Variants in LDLRAP1 observed in about 807,000 individuals in gnomAD.
The protein encoded by LDLRAP1 is low density lipoprotein receptor adapter protein 1.
A neutral mutation model predicts 37.8 loss-of-function variants in LDLRAP1; 30 were observed. The observed-to-expected ratio is 0.79, with a 90% CI of 0.59 to 1.08. LDLRAP1 has a LOEUF of 1.08. Ranked by LOEUF, LDLRAP1 falls within the 50% of genes least tolerant of loss-of-function variation. The pLI is 0.00. For missense variants in LDLRAP1, 375 were observed against 401.6 expected (o/e 0.93, Z 0.57); for synonymous variants, 156 against 169.8 (o/e 0.92, Z 0.63).
At chr1:25,576,599 G>A in the LDLRAP1 span, among the ~76,000 whole-genome samples, 1 of 152,200 alleles carries the variant, frequency 6.6e-6, no homozygotes, top group Non-Finnish European at 1.5e-5. Flanking sequence ...GGAAAGCAGA[G>A]CGCCTGGCTT....
the LDLRAP1 span, among the ~76,000 whole-genome samples, chr1:25,587,536 A>G: frequency 6.6e-6 from 1 of 152,156 alleles, no homozygotes; most frequent in East Asian, 1.9e-4. Flanking sequence ...CTAATTTCCG[A>G]ACAACAAACC....
At chr1:25,574,462 C>T in the LDLRAP1 span, among the ~76,000 whole-genome samples, 1 of 152,238 alleles carries the variant, frequency 6.6e-6, no homozygotes, top group East Asian at 1.9e-4. Context: ...ACCCCATGTC[C>T]TCCTGCTCTG....
chr1:25,560,431 G>T (rs1479348422), intron 4 of LDLRAP1, among the ~76,000 whole-genome samples: 2 of 152,066 alleles, frequency 1.3e-5, no homozygotes, highest in Non-Finnish European at 2.9e-5. Context: ...CCCTGGTGCT[G>T]CTGGGCACAG....
chr1:25,562,933 A>C, intron 5 of LDLRAP1, 137 bp from the exon 6 acceptor site: 1 of 918,252 alleles, frequency 1.1e-6, no homozygotes, highest in South Asian at 1.3e-5. Flanking sequence ...CTGACATCCG[A>C]AAGGTTTCTT....
chr1:25,588,308 A>C, the LDLRAP1 span, among the ~76,000 whole-genome samples: 392 of 152,296 alleles, frequency 2.6e-3, 2 homozygotes, highest in African/African-American at 8.9e-3. Flanking sequence ...AAGAGGAAGG[A>C]ATGCCTCTTT....
chr1:25,578,415 G>A, the LDLRAP1 span, among the ~76,000 whole-genome samples: 37 of 152,258 alleles, frequency 2.4e-4, no homozygotes, highest in African/African-American at 8.7e-4. Context: ...TTGGGTGCAG[G>A]AGTCCATCTG....
At chr1:25,588,419 G>T in the LDLRAP1 span, among the ~76,000 whole-genome samples, 1 of 152,340 alleles carries the variant, frequency 6.6e-6, no homozygotes, top group South Asian at 2.1e-4. Flanking sequence ...TGAGATAAGG[G>T]AAAACTGCCT....
At chr1:25,557,403 C>G in intron 4 of LDLRAP1, 136 bp downstream of exon 4, 1 of 708,610 alleles carries the variant, frequency 1.4e-6, no homozygotes, top group Non-Finnish European at 2.5e-6. Flanking sequence ...CTCTGGGAAC[C>G]CCAAGTGGGT....
chr1:25,556,913 AG>A (rs35809556), intron 3 of LDLRAP1, among the ~76,000 whole-genome samples: 4 of 151,996 alleles, frequency 2.6e-5, no homozygotes, highest in Admixed American at 6.6e-5. Flanking sequence ...TGGGAGGGAG[AG>A]GGGGAAGTGC....
rs2044147154 is a variant in LDLRAP1 at position 25,554,185 on chromosome 1, A to G, written c.231+121A>G. Reference sequence around the variant, plus strand: ...GTGTCTGAGCCTGGCCCTGCCCTTCATTCTCCTTCCATCCAGCTTTTGGGC... The same window carrying G: ...GTGTCTGAGCCTGGCCCTGCCCTTCGTTCTCCTTCCATCCAGCTTTTGGGC... On this transcript the variant is annotated intron_variant, in intron 2 of 8. Transcript: ENST00000374338. This position sits in a 1 kb window ranked among gnomAD's most constrained non-coding sequence, Gnocchi z 5.4. The G allele has an allele frequency of 1.6e-6, 2 of 1,253,530 alleles. No individual in the cohort carries two copies. Among genetic ancestry groups the G allele is most frequent in the East Asian group, 4.9e-5 (2 of 41,078 alleles). The allele number at this position is 1,253,530 out of a possible 1,614,324, so 77.7% of individuals were successfully genotyped here. A position where few individuals can be genotyped will look rare whatever the true frequency, so the allele number is the denominator to read the frequency against.
the LDLRAP1 span, among the ~76,000 whole-genome samples, chr1:25,580,713 C>A: frequency 6.6e-6 from 1 of 152,142 alleles, no homozygotes; most frequent in African/African-American, 2.4e-5. Flanking sequence ...AGCCTCACTA[C>A]ATTGCCCGGG....
the LDLRAP1 span, among the ~76,000 whole-genome samples, chr1:25,574,102 G>A: frequency 6.6e-6 from 1 of 152,240 alleles, no homozygotes; most frequent in African/African-American, 2.4e-5. Flanking sequence ...AGGAGGTAGG[G>A]AGGCCCCAGA....
At chr1:25,551,167 G>C (rs1427655357) in intron 1 of LDLRAP1, among the ~76,000 whole-genome samples, 1 of 152,138 alleles carries the variant, frequency 6.6e-6, no homozygotes, top group East Asian at 1.9e-4. Flanking sequence ...GTCTGCCAAG[G>C]GTGCGGGTCA....
chr1:25,545,508 T>G (rs149811511), intron 1 of LDLRAP1, among the ~76,000 whole-genome samples: 1 of 152,308 alleles, frequency 6.6e-6, no homozygotes, highest in Non-Finnish European at 1.5e-5. Flanking sequence ...GGTGGCTTTC[T>G]TCTCCCCTGC....
chr1:25,572,036 A>G (rs957548076), downstream of LDLRAP1, among the ~76,000 whole-genome samples: 3 of 152,320 alleles, frequency 2.0e-5, no homozygotes, highest in African/African-American at 7.2e-5. Flanking sequence ...GAGCTGAGGT[A>G]TGGCAGCTGG....
the LDLRAP1 span, among the ~76,000 whole-genome samples, chr1:25,580,932 C>T: frequency 6.6e-6 from 1 of 152,188 alleles, no homozygotes; most frequent in Non-Finnish European, 1.5e-5. Flanking sequence ...CCCGGCAGGA[C>T]ACCATGAATC....
the LDLRAP1 span, among the ~76,000 whole-genome samples, chr1:25,575,444 A>C: frequency 2.0e-5 from 3 of 150,984 alleles, no homozygotes; most frequent in Non-Finnish European, 4.4e-5. Flanking sequence ...AAAAAAAAAA[A>C]ACCAGCTGTG....
intron 8 of LDLRAP1, among the ~76,000 whole-genome samples, chr1:25,565,901 A>C (rs2124699076): frequency 6.6e-6 from 1 of 152,284 alleles, no homozygotes; most frequent in African/African-American, 2.4e-5. Flanking sequence ...GGTTGGAGTC[A>C]GCGATTTTTG....
intron 1 of LDLRAP1, among the ~76,000 whole-genome samples, chr1:25,550,234 C>T (rs1356559628): frequency 6.6e-6 from 1 of 152,180 alleles, no homozygotes; most frequent in African/African-American, 2.4e-5. Flanking sequence ...AGGGTCACAA[C>T]AGCCCCCAGG....
Sources: allele counts gnomAD v4.1 joint callset (sites outside exome capture counted in the v4.1 genomes callset), GRCh38; gene constraint gnomAD v4.1.1; non-coding constraint Gnocchi (gnomAD v3.1); transcripts MANE v1.5; gene names NCBI Gene and HGNC (gene_info 2026-07-23, HGNC 2026-07-21).